The following ATXN7 variants were observed in gnomAD, a reference collection of about 807,000 sequenced individuals.
ATXN7 encodes ataxin-7.
A neutral mutation model predicts 70.5 loss-of-function variants in ATXN7; 12 were observed. That is an observed-to-expected ratio of 0.17 (90% CI 0.11 to 0.28). ATXN7 has a LOEUF of 0.28. Ranked by LOEUF, ATXN7 falls within the 10% of genes least tolerant of loss-of-function variation. ATXN7 has a pLI of 1.00. For synonymous variants in ATXN7, 498 were observed against 448.7 expected, an observed-to-expected ratio of 1.11 and a Z score of -1.39; for missense variants, 1,256 against 1,131.7, an observed-to-expected ratio of 1.11 and a Z score of -1.58.
intron 4 of ATXN7, among the ~76,000 whole-genome samples, chr3:63,915,893 TCA>T (rs1316863541): frequency 6.6e-6 from 1 of 151,988 alleles, no homozygotes; most frequent in African/African-American, 2.4e-5. Flanking sequence ...ACCATGTTAG[TCA>T]GTCTGGTCTG....
intron 1 of ATXN7, among the ~76,000 whole-genome samples, chr3:63,888,739 G>A (rs1246579669): frequency 2.6e-5 from 4 of 152,084 alleles, no homozygotes; most frequent in African/African-American, 4.8e-5. Flanking sequence ...TCGTGCCAGT[G>A]CACTCCAGCC....
chr3:63,965,725 C>T (rs1310705123), intron 5 of ATXN7, among the ~76,000 whole-genome samples: 10 of 151,918 alleles, frequency 6.6e-5, no homozygotes, highest in Non-Finnish European at 1.5e-4. Context: ...TATCGAGAAA[C>T]GGTTTGAAGA....
At chr3:63,975,836 T>C (rs985197861) in intron 5 of ATXN7, among the ~76,000 whole-genome samples, 3 of 152,160 alleles carry the variant, frequency 2.0e-5, no homozygotes. Flanking sequence ...TGAAGCTCTG[T>C]CTCCCTCTCT....
intron 2 of ATXN7, among the ~76,000 whole-genome samples, chr3:63,899,047 C>T (rs1703531228): frequency 6.9e-6 from 1 of 144,586 alleles, no homozygotes; most frequent in African/African-American, 2.5e-5. Context: ...TAGCAGCCAT[C>T]ATTAATGGAG....
intron 5 of ATXN7, among the ~76,000 whole-genome samples, chr3:63,964,917 G>A (rs1045032055): frequency 2.6e-5 from 4 of 152,220 alleles, no homozygotes; most frequent in East Asian, 3.9e-4. Context: ...TAACTCACCC[G>A]GCCTGCTGAG....
At chr3:63,991,295 C>A in intron 11 of ATXN7, among the ~76,000 whole-genome samples, 1 of 120,348 alleles carries the variant, frequency 8.3e-6, no homozygotes, top group Non-Finnish European at 1.7e-5. Flanking sequence ...TCCCCCCACC[C>A]CTGGTTTTTT....
At chr3:63,999,267 AGTAGTGAAG>A in intron 12 of ATXN7, 174 bp from the exon 13 acceptor site, 1 of 587,904 alleles carries the variant, frequency 1.7e-6, no homozygotes, top group East Asian at 2.9e-5. Context: ...TGTGCCCAGT[AGTAGTGAAG>A]GCATTTGAAA....
intron 1 of ATXN7, chr3:63,865,359 A>C (rs1198604643): frequency 6.6e-6 from 1 of 152,204 alleles, no homozygotes; most frequent in Admixed American, 6.5e-5. Context: ...GAAGATTCTG[A>C]GATGTGACTT....
chr3:63,932,719 C>T (rs1013397176), intron 4 of ATXN7, among the ~76,000 whole-genome samples: 10 of 152,180 alleles, frequency 6.6e-5, no homozygotes, highest in Admixed American at 2.0e-4. Flanking sequence ...GCTCCTTTCC[C>T]GTGACCCCTT....
Position 63,996,350 on chromosome 3 carries a change from C to G in ATXN7, c.2528C>G (p.Ser843Trp), listed in dbSNP as rs376606208. 12 of 1,614,130 alleles carry G rather than the reference C, an allele frequency of 7.4e-6. No homozygotes were observed. The highest frequency in any genetic ancestry group is 1.0e-5 in the Non-Finnish European group (12 of 1,180,040). ...IGKKRKCSPS[S>W]SSINNSSSKP... The stretch of plus-strand genomic sequence containing the variant: ...AAGAAAAGAAAGTGCTCACCCAGCT[C>G]GAGCAGCATCAACAACAGCAGCAGC... Residue 843 changes from serine (S) to tryptophan (W), a missense_variant, in exon 12 of 13, where the codon TCG becomes TGG. Transcript: ENST00000674280.
rs1320797420 is a variant in ATXN7, at chr3:64,000,346, C to CA, written c.*882dup. On this transcript the variant is annotated 3_prime_UTR_variant, in exon 13 of 13. Transcript: ENST00000674280. ...GAGAAAAAACTTTTTTCAAGATTTC[C>CA]AAAGAGATGAAATTTTCTTAATCCT... 3 of 150,558 alleles carry CA rather than the reference C, an allele frequency of 2.0e-5. No homozygotes were observed. The highest frequency in any genetic ancestry group is 4.4e-5 in the Non-Finnish European group (3 of 67,574). 9.3% of individuals were successfully genotyped at this position (150,558 alleles called of 1,614,324 possible).
intron 1 of ATXN7, among the ~76,000 whole-genome samples, chr3:63,872,278 A>T (rs921056532): frequency 1.1e-4 from 16 of 152,240 alleles, no homozygotes; most frequent in African/African-American, 3.1e-4. Context: ...TCTATTGTTA[A>T]CAACCCATTC....
At position 63,990,211 on chromosome 3, in the gene ATXN7, C is replaced by G; in HGVS notation, c.1397C>G (p.Ala466Gly). The G allele has an allele frequency of 6.2e-7, 1 of 1,613,536 alleles. No individual in the cohort carries two copies. Among genetic ancestry groups the G allele is most frequent in the Non-Finnish European group, 8.5e-7 (1 of 1,180,012 alleles). Residue 466 changes from alanine (A) to glycine (G), a missense_variant, in exon 10 of 13, where the codon GCC (alanine) becomes GGC (glycine). Physicochemically the swap from Ala to Gly is moderately conservative, Grantham distance 60. Coordinates refer to ENST00000674280, the MANE Select transcript of ATXN7 (RefSeq NM_001377405.1). ...TGCCCTGCTCAGCAAGGTGGGAGTG[C>G]CCCCATTGACCCTCCTCCAGTCCAT... Reference protein sequence around the residue: ...PGCPAQQGGSAPIDPPPVHES... With the variant: ...PGCPAQQGGSGPIDPPPVHES...
At chr3:63,951,749 C>T (rs928493718) in intron 4 of ATXN7, among the ~76,000 whole-genome samples, 1 of 152,208 alleles carries the variant, frequency 6.6e-6, no homozygotes, top group Non-Finnish European at 1.5e-5. Flanking sequence ...TTAAAACAAA[C>T]AAACAGCTCG....
intron 1 of ATXN7, among the ~76,000 whole-genome samples, chr3:63,867,574 T>C (rs990376609): frequency 7.9e-5 from 12 of 152,176 alleles, no homozygotes; most frequent in Admixed American, 7.9e-4. Context: ...TAAAGTTATC[T>C]TCAGGCTGGG....
At chr3:63,894,592 A>G (rs1479565001) in intron 1 of ATXN7, among the ~76,000 whole-genome samples, 1 of 152,140 alleles carries the variant, frequency 6.6e-6, no homozygotes, top group Non-Finnish European at 1.5e-5. Flanking sequence ...TTGCATGATC[A>G]TGGTTCACTG....
chr3:63,963,120 T>A (rs1262400261), intron 5 of ATXN7, among the ~76,000 whole-genome samples: 1 of 152,056 alleles, frequency 6.6e-6, no homozygotes, highest in Non-Finnish European at 1.5e-5. Flanking sequence ...TTCACCATGT[T>A]GCCCAGGCTG....
chr3:63,920,770 T>A (rs1463965750), intron 4 of ATXN7, among the ~76,000 whole-genome samples: 4 of 152,150 alleles, frequency 2.6e-5, no homozygotes, highest in Non-Finnish European at 5.9e-5. Flanking sequence ...TTGCAGCAGA[T>A]AGCAAACACA....
chr3:63,867,056 T>C (rs1471292004), intron 1 of ATXN7: 2 of 152,034 alleles, frequency 1.3e-5, no homozygotes, highest in African/African-American at 4.8e-5. Flanking sequence ...ATGAGAGAGC[T>C]AGCTATATAT....
Sources: allele counts gnomAD v4.1 joint callset (sites outside exome capture counted in the v4.1 genomes callset), GRCh38; gene constraint gnomAD v4.1.1; transcripts MANE v1.5; gene names NCBI Gene and HGNC (gene_info 2026-07-23, HGNC 2026-07-21).